Variants in AGMO observed in about 807,000 individuals in gnomAD.
The protein encoded by AGMO is alkylglycerol monooxygenase.
Under a neutral mutation model 60.2 loss-of-function variants are expected in AGMO, and 75 were observed. That is an observed-to-expected ratio of 1.25 (90% CI 1.03 to 1.51). AGMO has a LOEUF of 1.51. Ranked by LOEUF, AGMO falls within the 40% of genes most tolerant of loss-of-function variation. AGMO has a pLI of 0.00. For synonymous variants in AGMO, 261 were observed against 177.1 expected, an observed-to-expected ratio of 1.47 and a Z score of -3.76; for missense variants, 763 against 525.5, an observed-to-expected ratio of 1.45 and a Z score of -4.42.
chr7:15,502,064 A>C (rs1464103073), intron 3 of AGMO, among the ~76,000 whole-genome samples: 1 of 152,080 alleles, frequency 6.6e-6, no homozygotes, highest in Non-Finnish European at 1.5e-5. Flanking sequence ...ATTTTGGATG[A>C]CAATTATCCT....
At chr7:15,350,569 A>T (rs1332686546) in intron 12 of AGMO, among the ~76,000 whole-genome samples, 2 of 152,152 alleles carry the variant, frequency 1.3e-5, no homozygotes, top group African/African-American at 4.8e-5. Context: ...AGAGTCAGAG[A>T]GAGTAGATTT....
At chr7:15,199,538 G>C (rs73054518), downstream of AGMO, among the ~76,000 whole-genome samples, 6,644 of 152,202 alleles carry the variant, frequency 0.044, 198 homozygotes, top group South Asian at 0.091. Flanking sequence ...ACTATGTAAA[G>C]ATTAGCAAAA....
intron 3 of AGMO, among the ~76,000 whole-genome samples, chr7:15,488,545 T>A (rs1782980071): frequency 6.6e-6 from 1 of 152,162 alleles, no homozygotes; most frequent in African/African-American, 2.4e-5. Flanking sequence ...AAACCTCATT[T>A]CATCATCTGT....
chr7:15,404,703 C>G (rs10224377), intron 5 of AGMO, among the ~76,000 whole-genome samples: 9,078 of 151,808 alleles, frequency 0.06, 355 homozygotes, highest in African/African-American at 0.1. Context: ...GGTACAAGCT[C>G]CATACTTTTG....
intron 12 of AGMO, among the ~76,000 whole-genome samples, chr7:15,231,643 A>T (rs918695897): frequency 1.3e-5 from 2 of 152,208 alleles, no homozygotes; most frequent in Non-Finnish European, 2.9e-5. Flanking sequence ...TTTGCAAAGC[A>T]AATTCTAGTG....
chr7:15,286,989 A>G (rs987538540), intron 12 of AGMO, among the ~76,000 whole-genome samples: 1 of 152,140 alleles, frequency 6.6e-6, no homozygotes, highest in Non-Finnish European at 1.5e-5. Context: ...ACCAAATACC[A>G]TATGCTTTCA....
intron 3 of AGMO, among the ~76,000 whole-genome samples, chr7:15,533,989 A>G (rs1784427551): frequency 6.6e-6 from 1 of 152,092 alleles, no homozygotes; most frequent in Admixed American, 6.6e-5. Context: ...TTTCGAGAGA[A>G]TAAAACTATA....
At chr7:15,206,031 C>A (rs979223187) in intron 12 of AGMO, among the ~76,000 whole-genome samples, 3 of 152,010 alleles carry the variant, frequency 2.0e-5, no homozygotes, top group Admixed American at 6.6e-5. Flanking sequence ...GTTAAATACA[C>A]TTTTTAACAC....
chr7:15,376,129 C>T (rs1783440791), intron 10 of AGMO, among the ~76,000 whole-genome samples: 1 of 152,074 alleles, frequency 6.6e-6, no homozygotes, highest in African/African-American at 2.4e-5. Context: ...ACTACAAATC[C>T]ATTACATTCA....
intron 12 of AGMO, among the ~76,000 whole-genome samples, chr7:15,301,899 A>C (rs1055415298): frequency 2.6e-5 from 4 of 152,146 alleles, no homozygotes; most frequent in African/African-American, 9.7e-5. Flanking sequence ...CCTAAGGCTC[A>C]TGAAAGTCAA....
rs960312896 is a variant in AGMO, at chr7:15,518,070, C to T, written c.409+26702G>A. 4.6e-5 allele frequency among the ~76,000 whole-genome samples: 7 copies of T among 152,294 alleles called. No homozygotes were observed. The East Asian group carries it at 1.4e-3, about 29-fold the overall frequency. On this transcript the variant is annotated intron_variant, in intron 3 of 12. Coordinates refer to ENST00000342526, the MANE Select transcript of AGMO (RefSeq NM_001004320.2). ...CCAGGAATTTCGGACTGGGCGGAGC[C>T]TACCGCAGCTTGGCAAAGCCACTGT...
chr7:15,219,863 T>C (rs1781863437), intron 12 of AGMO, among the ~76,000 whole-genome samples: 1 of 152,180 alleles, frequency 6.6e-6, no homozygotes, highest in African/African-American at 2.4e-5. Flanking sequence ...TAAGAAAATA[T>C]ATCTATGCTC....
At chr7:15,290,477 A>G (rs977014581) in intron 12 of AGMO, among the ~76,000 whole-genome samples, 1 of 152,234 alleles carries the variant, frequency 6.6e-6, no homozygotes, top group Non-Finnish European at 1.5e-5. Context: ...TTAAAGCCTA[A>G]GAGAAGATAA....
At chr7:15,265,611 T>G (rs747277244) in intron 12 of AGMO, among the ~76,000 whole-genome samples, 6 of 149,352 alleles carry the variant, frequency 4.0e-5, no homozygotes, top group Non-Finnish European at 7.5e-5. Flanking sequence ...TGGATACAAT[T>G]AAAAAAAAAA....
chr7:15,204,832 G>A (rs1250439460), intron 12 of AGMO, among the ~76,000 whole-genome samples: 1 of 152,064 alleles, frequency 6.6e-6, no homozygotes, highest in Non-Finnish European at 1.5e-5. Context: ...TTATTCTGCT[G>A]CTCCTCTCAG....
intron 12 of AGMO, among the ~76,000 whole-genome samples, chr7:15,355,436 G>A (rs539691431): frequency 7.2e-6 from 1 of 139,428 alleles, no homozygotes; most frequent in Non-Finnish European, 1.5e-5. Context: ...CTGGGAGGTG[G>A]AGCTTGCAGT....
intron 8 of AGMO, among the ~76,000 whole-genome samples, chr7:15,389,641 A>G (rs1365160556): frequency 6.6e-6 from 1 of 152,220 alleles, no homozygotes; most frequent in Non-Finnish European, 1.5e-5. Context: ...TGTATCAGTT[A>G]AATTGAGTTA....
chr7:15,225,120 CTAAA>C (rs1247292153), intron 12 of AGMO, among the ~76,000 whole-genome samples: 4 of 151,472 alleles, frequency 2.6e-5, no homozygotes, highest in African/African-American at 7.3e-5. Flanking sequence ...TAAAATTATA[CTAAA>C]TATATTGTTT....
rs534912876 is a variant in AGMO, at chr7:15,375,174, T to G, written c.1075-8952A>C. On this transcript the variant is annotated intron_variant, in intron 10 of 12. Coordinates refer to ENST00000342526, the MANE Select transcript of AGMO (RefSeq NM_001004320.2). ...TTAACATATTATCTTTTTTGAATGC[T>G]CCATAAAACTATTTTGTGGGAGCCA... Among the ~76,000 whole-genome samples the G allele has an allele frequency of 3.3e-5, 5 of 152,206 alleles. No homozygotes were observed. In the South Asian group the frequency reaches 8.3e-4, roughly 25 times the overall value.
Sources: allele counts gnomAD v4.1 joint callset (sites outside exome capture counted in the v4.1 genomes callset), GRCh38; gene constraint gnomAD v4.1.1; transcripts MANE v1.5; gene names NCBI Gene and HGNC (gene_info 2026-07-23, HGNC 2026-07-21).